Variants in CCDC68 observed in about 807,000 individuals in gnomAD.
CCDC68 encodes the protein coiled-coil domain-containing protein 68.
Under a neutral mutation model 47.1 loss-of-function variants are expected in CCDC68, and 45 were observed. That is an observed-to-expected ratio of 0.96 (90% confidence interval 0.75 to 1.23). The LOEUF (loss-of-function observed/expected upper bound fraction) is 1.23. CCDC68 is among the 50% of genes most tolerant of loss of function. The pLI is 0.00. For missense variants in CCDC68, 353 were observed against 373.6 expected (o/e 0.94, Z 0.45); for synonymous variants, 131 against 129.5 (o/e 1.01, Z -0.08).
intron 1 of CCDC68, among the ~76,000 whole-genome samples, chr18:54,956,360 G>A (rs2145678070): frequency 6.6e-6 from 1 of 152,304 alleles, no homozygotes; most frequent in East Asian, 1.9e-4. Context: ...ATAGGAACCT[G>A]GATGTTTAAC....
At chr18:54,946,766 A>G (rs1436379007) in intron 1 of CCDC68, among the ~76,000 whole-genome samples, 2 of 152,202 alleles carry the variant, frequency 1.3e-5, no homozygotes, top group Non-Finnish European at 2.9e-5. Context: ...CAAGTTACAT[A>G]AAATCTTTGT....
At chr18:54,918,712 T>C (rs902699321) in intron 9 of CCDC68, among the ~76,000 whole-genome samples, 1 of 152,174 alleles carries the variant, frequency 6.6e-6, no homozygotes, top group Non-Finnish European at 1.5e-5. Flanking sequence ...GTAAAGTACC[T>C]GAATAGAAGT....
chr18:54,954,279 A>G (rs894771552), intron 1 of CCDC68: 5 of 148,390 alleles, frequency 3.4e-5, no homozygotes, highest in African/African-American at 1.2e-4. Context: ...CTGGTCTCAA[A>G]CTCCTGACCT....
At position 54,904,084 on chromosome 18, in the gene CCDC68, ATT is replaced by A. The variant is rs11298512; in HGVS notation, c.*272_*273del. On this transcript the variant is annotated 3_prime_UTR_variant, in exon 12 of 12. Coordinates refer to ENST00000591504, the MANE Select transcript of CCDC68 (RefSeq NM_025214.3). ...AAAAAAATCTGAAAACAAGATTCAG[ATT>A]TTTTTTTTTTTTTAATTTAAAGCAG... The A allele has an allele frequency of 0.29, 67,293 of 231,176 alleles. 4,416 individuals are homozygous for A. Among genetic ancestry groups the A allele is most frequent in the Middle Eastern group, 0.32 (212 of 668 alleles). The allele number at this position is 231,176 out of a possible 1,614,324, so 14.3% of individuals were successfully genotyped here. A position where few individuals can be genotyped will look rare whatever the true frequency, so the allele number is the denominator to read the frequency against.
chr18:54,912,144 T>C (rs1914404979), intron 10 of CCDC68, among the ~76,000 whole-genome samples: 1 of 152,202 alleles, frequency 6.6e-6, no homozygotes, highest in Non-Finnish European at 1.5e-5. Context: ...ATGGTGCTTA[T>C]ATAAAGTAGG....
At chr18:54,916,121 T>C (rs2043947210) in intron 10 of CCDC68, among the ~76,000 whole-genome samples, 1 of 152,254 alleles carries the variant, frequency 6.6e-6, no homozygotes, top group African/African-American at 2.4e-5. Flanking sequence ...TGAAATAAAT[T>C]AGCCAGCTAT....
At chr18:54,933,092 CT>C (rs1045202199) in intron 7 of CCDC68, among the ~76,000 whole-genome samples, 1 of 151,912 alleles carries the variant, frequency 6.6e-6, no homozygotes, top group Non-Finnish European at 1.5e-5. Context: ...ACTGTTCTTT[CT>C]TTTTTTTGAC....
chr18:54,905,694 G>A (rs991077284), intron 11 of CCDC68, among the ~76,000 whole-genome samples: 5 of 152,074 alleles, frequency 3.3e-5, no homozygotes, highest in Non-Finnish European at 7.4e-5. Context: ...GCAAATGTGA[G>A]TCCTGCCTTT....
chr18:54,913,929 C>T (rs2043899287), intron 10 of CCDC68, among the ~76,000 whole-genome samples: 1 of 152,014 alleles, frequency 6.6e-6, no homozygotes, highest in Admixed American at 6.5e-5. Flanking sequence ...TCAGGGATGC[C>T]CTCCCTAATC....
chr18:54,907,151 T>C (rs1399793047), intron 11 of CCDC68, among the ~76,000 whole-genome samples: 1 of 152,158 alleles, frequency 6.6e-6, no homozygotes, highest in Non-Finnish European at 1.5e-5. Flanking sequence ...TTTCATGGGG[T>C]TTGTGGAAAT....
chr18:54,937,043 C>A, intron 5 of CCDC68, 85 bp from the exon 6 acceptor site: 1 of 1,298,198 alleles, frequency 7.7e-7, no homozygotes, highest in Non-Finnish European at 1.1e-6. Context: ...ATTAAGAACA[C>A]CAAAGGTATA....
chr18:54,915,921 C>A (rs1332355616), intron 10 of CCDC68, among the ~76,000 whole-genome samples: 1 of 151,474 alleles, frequency 6.6e-6, no homozygotes, highest in Admixed American at 6.6e-5. Flanking sequence ...AGAGTGAGAT[C>A]CTGTCTCAAA....
In CCDC68 at chr18:54,930,148, A is replaced by G. The variant is rs188408240; in HGVS notation, c.601-1266T>C. On this transcript the variant is annotated intron_variant, in intron 7 of 11. Coordinates refer to ENST00000591504, the MANE Select transcript of CCDC68 (RefSeq NM_025214.3). ...TAAAAATTTAATCTAGTACTCCTAT[A>G]CTATTTTTCACTTTTTCTCCAAAAT... Among the ~76,000 whole-genome samples, 627 of 152,290 alleles carry G rather than the reference A, an allele frequency of 4.1e-3. 10 individuals are homozygous for G. The highest frequency in any genetic ancestry group is 0.014 in the African/African-American group (581 of 41,568).
At position 54,904,406 on chromosome 18, in the gene CCDC68, C is replaced by T. The variant is rs763000960; in HGVS notation, c.960G>A (p.Lys320=). Residue 320 remains lysine (K), a synonymous_variant, in exon 12 of 12, where the codon AAG becomes AAA. Transcript: ENST00000591504. ...TTAAATAAGGGGAAACACCTTCGGT[C>T]TTCAATTCACTGTAGAAAAGACAAC... ...VSKAVSTSEL[K]TEGVSPYLML... 2.5e-6 allele frequency: 4 copies of T among 1,612,918 alleles called. No individual in the cohort carries two copies. Among genetic ancestry groups the T allele is most frequent in the Non-Finnish European group, 8.5e-7 (1 of 1,179,020 alleles).
At chr18:54,930,093 T>G (rs1482625283) in intron 7 of CCDC68, among the ~76,000 whole-genome samples, 1 of 152,336 alleles carries the variant, frequency 6.6e-6, no homozygotes, top group East Asian at 1.9e-4. Flanking sequence ...GGTTATGATT[T>G]AATTGCCTTA....
At chr18:54,905,390 G>A (rs1474398432) in intron 11 of CCDC68, among the ~76,000 whole-genome samples, 5 of 140,290 alleles carry the variant, frequency 3.6e-5, no homozygotes, top group East Asian at 2.4e-4. Flanking sequence ...AGAGGGAAGA[G>A]GGGAGGGAAA....
At chr18:54,919,124 C>T in intron 9 of CCDC68, 147 bp downstream of exon 9, 1 of 632,244 alleles carries the variant, frequency 1.6e-6, no homozygotes, top group Admixed American at 2.6e-5. Context: ...GCATTGAAAA[C>T]AGAGACATAT....
Position 54,919,371 on chromosome 18 carries a change from T to C in CCDC68, c.689A>G (p.Gln230Arg), listed in dbSNP as rs1328810452. The C allele has an allele frequency of 6.2e-7, 1 of 1,612,182 alleles. No homozygotes were observed. The highest frequency in any genetic ancestry group is 8.5e-7 in the Non-Finnish European group (1 of 1,178,384). ...KSSATYGKSC[Q>R]DLQREISILQ... Reference sequence around the variant, plus strand: ...AATGGAAATCTCCCTCTGAAGATCCTGGCAACTGGGAATGCAAAGGGAAAA... The same window carrying C: ...AATGGAAATCTCCCTCTGAAGATCCCGGCAACTGGGAATGCAAAGGGAAAA... The change falls in exon 9 of 12, where the codon CAG (glutamine) becomes CGG (arginine). Residue 230 changes from glutamine (Q) to arginine (R), a missense_variant. Coordinates refer to ENST00000591504, the MANE Select transcript of CCDC68 (RefSeq NM_025214.3).
rs752295087 is a variant in CCDC68, at chr18:54,919,302, T to C, written c.758A>G (p.Gln253Arg). 7 of 1,614,002 alleles carry C rather than the reference T, an allele frequency of 4.3e-6. No individual in the cohort carries two copies. Among genetic ancestry groups the C allele is most frequent in the Middle Eastern group, 3.3e-4 (2 of 6,062 alleles). ...ISHLQFVIHSQHQNLRSVIQE... is the reference protein window; with the variant it reads ...ISHLQFVIHSRHQNLRSVIQE... ...GATGACACTGCGCAGGTTCTGATGT[T>C]GGGAGTGAATCACAAACTGCAGATG... The change falls in exon 9 of 12, where the codon CAA (glutamine) becomes CGA (arginine). Residue 253 changes from glutamine (Q) to arginine (R), a missense_variant. Transcript: ENST00000591504.
Sources: gnomAD v4.1 joint callset for allele counts (sites outside exome capture counted in the v4.1 genomes callset) on GRCh38, gnomAD v4.1.1 for gene constraint, MANE v1.5 for transcripts, NCBI Gene and HGNC (gene_info 2026-07-23, HGNC 2026-07-21) for gene names.